Variants in NLGN1 observed in about 807,000 individuals in gnomAD.
The protein encoded by NLGN1 is neuroligin 1.
NLGN1 carries 12 observed loss-of-function variants against 65.5 expected under a neutral mutation model. That is an observed-to-expected ratio of 0.18 (90% CI 0.12 to 0.30). The LOEUF is 0.30. Ranked by LOEUF, NLGN1 falls within the 10% of genes least tolerant of loss-of-function variation. The pLI is 1.00. For missense variants in NLGN1, 750 were observed against 1,007.1 expected (o/e 0.74, Z 3.46); for synonymous variants, 350 against 359.5 (o/e 0.97, Z 0.30).
In NLGN1 at chr3:173,499,528, G is replaced by C. The variant is rs527709186; in HGVS notation, c.-321+64450G>C. On this transcript the variant is annotated intron_variant, in intron 2 of 6. Transcript: ENST00000457714. ...TGTTCTTTTGCGTTAGGATTGACTT[G>C]GCAATGCAGGCTCTTTTTTGGTTCC... 9.9e-5 allele frequency among the ~76,000 whole-genome samples: 15 copies of C among 151,944 alleles called. No homozygotes were observed. The East Asian group carries it at 2.9e-3, about 29-fold the overall frequency.
intron 4 of NLGN1, among the ~76,000 whole-genome samples, chr3:173,830,668 A>G (rs950670771): frequency 1.3e-5 from 2 of 152,200 alleles, no homozygotes; most frequent in Non-Finnish European, 2.9e-5. Context: ...TTGAATTTTT[A>G]TAATTCAGGA....
At chr3:173,589,985 T>G (rs183731093) in intron 2 of NLGN1, among the ~76,000 whole-genome samples, 1 of 152,288 alleles carries the variant, frequency 6.6e-6, no homozygotes, top group East Asian at 1.9e-4. Flanking sequence ...TAATATTGAG[T>G]TGATAAAATC....
chr3:174,037,430 T>G (rs1731378332), intron 4 of NLGN1, among the ~76,000 whole-genome samples: 1 of 152,210 alleles, frequency 6.6e-6, no homozygotes, highest in African/African-American at 2.4e-5. Flanking sequence ...GGGGCTGCTC[T>G]CTACCAGCAT....
At chr3:173,780,519 A>G (rs1043276171) in intron 3 of NLGN1, among the ~76,000 whole-genome samples, 6 of 152,238 alleles carry the variant, frequency 3.9e-5, no homozygotes, top group Non-Finnish European at 7.3e-5. Context: ...CTTCAATGCC[A>G]CATGTACTAG....
rs146485389 is a variant in NLGN1, at chr3:174,144,969, T to G, written c.647-130346T>G. On this transcript the variant is annotated intron_variant, in intron 4 of 6. Coordinates refer to ENST00000457714, the Ensembl canonical transcript of NLGN1. Reference sequence around the variant, plus strand: ...TGCTTTTGGTGTTTTATTCATGAAGTCTTTGCCCATGCCTATGTCCTGAAT... The same window carrying G: ...TGCTTTTGGTGTTTTATTCATGAAGGCTTTGCCCATGCCTATGTCCTGAAT... Among the ~76,000 whole-genome samples, 11 of 152,168 alleles carry G rather than the reference T, an allele frequency of 7.2e-5. No individual in the cohort carries two copies. The South Asian group carries it at 2.1e-3, about 29-fold the overall frequency.
chr3:174,117,388 G>A (rs527393588), intron 4 of NLGN1, among the ~76,000 whole-genome samples: 6 of 152,030 alleles, frequency 3.9e-5, no homozygotes, highest in Admixed American at 2.6e-4. Flanking sequence ...AGGCCGAGGC[G>A]GGTGGATCAC....
chr3:173,527,425 T>C (rs962500760), intron 2 of NLGN1, among the ~76,000 whole-genome samples: 20 of 152,114 alleles, frequency 1.3e-4, no homozygotes, highest in African/African-American at 4.6e-4. Flanking sequence ...TGAGACGGAG[T>C]CTCGCTCTTT....
chr3:173,734,379 C>CCA (rs1560261820), intron 3 of NLGN1, among the ~76,000 whole-genome samples: 1 of 59,048 alleles, frequency 1.7e-5, no homozygotes, highest in Admixed American at 2.2e-4. Context: ...GTGGATAATT[C>CCA]TATTTTTTTT....
intron 1 of NLGN1, among the ~76,000 whole-genome samples, chr3:173,415,943 A>AGAGAGAGAGAGAGAGAGCGC (rs141095727): frequency 7.0e-6 from 1 of 142,828 alleles, no homozygotes; most frequent in African/African-American, 2.8e-5. Context: ...AGAGAGAGAG[A>AGAGAGAGAGAGAGAGAGCGC]GCTTGGTATA....
At chr3:173,647,643 T>C (rs115089857) in intron 3 of NLGN1, among the ~76,000 whole-genome samples, 3,859 of 152,076 alleles carry the variant, frequency 0.025, 154 homozygotes, top group African/African-American at 0.088. Flanking sequence ...GAAAATACAA[T>C]ATATCATAAT....
chr3:173,894,716 CAACCTATGCCTCCAGGGTTCAAGT>C (rs1211775603), intron 4 of NLGN1, among the ~76,000 whole-genome samples: 1 of 149,866 alleles, frequency 6.7e-6, no homozygotes, highest in Non-Finnish European at 1.5e-5. Flanking sequence ...TGGTTCACTG[CAACCTATGCCTCCAGGGTTCAAGT>C]GATTCTCCTG....
intron 1 of NLGN1, among the ~76,000 whole-genome samples, chr3:173,407,021 T>C (rs879409667): frequency 1.1e-4 from 17 of 151,838 alleles, no homozygotes; most frequent in African/African-American, 3.9e-4. Flanking sequence ...TATAAAATTA[T>C]TAATTAAATT....
intron 4 of NLGN1, among the ~76,000 whole-genome samples, chr3:174,112,432 GA>G (rs1230638559): frequency 6.6e-6 from 1 of 151,492 alleles, no homozygotes; most frequent in African/African-American, 2.4e-5. Context: ...ATAGAATCAA[GA>G]AAAAAAATGT....
intron 2 of NLGN1, among the ~76,000 whole-genome samples, chr3:173,546,450 G>A (rs1161094722): frequency 6.6e-6 from 1 of 152,076 alleles, no homozygotes; most frequent in Non-Finnish European, 1.5e-5. Flanking sequence ...GTGTGAGATG[G>A]GCAATATATA....
intron 4 of NLGN1, among the ~76,000 whole-genome samples, chr3:174,164,698 A>G (rs1727180475): frequency 6.6e-6 from 1 of 151,976 alleles, no homozygotes; most frequent in Non-Finnish European, 1.5e-5. Flanking sequence ...TGGGTTCTCT[A>G]TTCTGTTCCA....
At chr3:173,423,213 C>G (rs1715447572) in intron 1 of NLGN1, among the ~76,000 whole-genome samples, 1 of 152,150 alleles carries the variant, frequency 6.6e-6, no homozygotes, top group Admixed American at 6.5e-5. Flanking sequence ...TCCCAGCAGG[C>G]CCTTCCCTCA....
intron 3 of NLGN1, among the ~76,000 whole-genome samples, chr3:173,776,201 A>G (rs1423978944): frequency 6.6e-6 from 1 of 152,060 alleles, no homozygotes; most frequent in African/African-American, 2.4e-5. Context: ...GGGGTAATGA[A>G]CAAAAAAACT....
intron 4 of NLGN1, among the ~76,000 whole-genome samples, chr3:174,250,809 T>A (rs1185525707): frequency 6.6e-6 from 1 of 152,256 alleles, no homozygotes; most frequent in Non-Finnish European, 1.5e-5. Context: ...CAAATATTGA[T>A]CACCCTTTCT....
intron 4 of NLGN1, among the ~76,000 whole-genome samples, chr3:173,939,640 T>G (rs2152305361): frequency 6.6e-6 from 1 of 152,312 alleles, no homozygotes; most frequent in South Asian, 2.1e-4. Flanking sequence ...TAACATTTGG[T>G]TTTCATATCC....
Sources: allele counts gnomAD v4.1 joint callset (sites outside exome capture counted in the v4.1 genomes callset), GRCh38; gene constraint gnomAD v4.1.1; transcripts MANE v1.5; gene names NCBI Gene and HGNC (gene_info 2026-07-23, HGNC 2026-07-21).